Variants in EPHA3 observed in about 807,000 individuals in gnomAD.
The protein encoded by EPHA3 is EPH receptor A3.
In EPHA3, 42 loss-of-function variants were observed where a neutral mutation model predicts 107.1. That is an observed-to-expected ratio of 0.39 (90% CI 0.31 to 0.51). The LOEUF (loss-of-function observed/expected upper bound fraction) is 0.51, where lower values mean the gene tolerates loss of function less well. EPHA3 is among the 20% of genes least tolerant of loss of function. The pLI, the probability that EPHA3 is intolerant of heterozygous loss-of-function variation, is 0.78. For synonymous variants in EPHA3, 461 were observed against 424.8 expected, an observed-to-expected ratio of 1.09 and a Z score of -1.05; for missense variants, 1,183 against 1,211.2, an observed-to-expected ratio of 0.98 and a Z score of 0.35.
At chr3:89,127,779 T>C (rs1704123239) in intron 2 of EPHA3, among the ~76,000 whole-genome samples, 1 of 152,036 alleles carries the variant, frequency 6.6e-6, no homozygotes, top group Non-Finnish European at 1.5e-5. Flanking sequence ...AGCTCAAAAA[T>C]GGGAATATTA....
chr3:89,478,935 T>A (rs1293177245), intron 16 of EPHA3, among the ~76,000 whole-genome samples: 1 of 152,184 alleles, frequency 6.6e-6, no homozygotes, highest in East Asian at 1.9e-4. Flanking sequence ...AGGGGTGAAT[T>A]CTTCCTCGTC....
chr3:89,146,557 G>C (rs1222688614), intron 2 of EPHA3, among the ~76,000 whole-genome samples: 1 of 151,774 alleles, frequency 6.6e-6, no homozygotes, highest in Non-Finnish European at 1.5e-5. Context: ...TTGTCAGATA[G>C]GTAGATTGCA....
chr3:89,201,172 G>T (rs1705959516), intron 2 of EPHA3, among the ~76,000 whole-genome samples: 2 of 152,154 alleles, frequency 1.3e-5, no homozygotes, highest in South Asian at 4.1e-4. Flanking sequence ...CATGGCTGGA[G>T]CAGGAGGAAG....
chr3:89,476,392 A>C (rs1576398472), intron 16 of EPHA3, among the ~76,000 whole-genome samples: 1 of 148,206 alleles, frequency 6.7e-6, no homozygotes, highest in South Asian at 2.1e-4. Flanking sequence ...TTTTCCAGCC[A>C]CTTGGGGATG....
rs200724434 is a variant in EPHA3 at position 89,407,309 on chromosome 3, C to A, written c.1635C>A (p.Ile545=). The A allele has an allele frequency of 6.2e-7, 1 of 1,613,582 alleles. No individual in the cohort carries two copies. Among genetic ancestry groups the A allele is most frequent in the East Asian group, 2.2e-5 (1 of 44,844 alleles). The change falls in exon 8 of 17, where the codon ATC becomes ATA. Residue 545 remains isoleucine, a synonymous_variant. Coordinates refer to ENST00000336596, the MANE Select transcript of EPHA3 (RefSeq NM_005233.6). ...ISGESSQVVM[I]AISAAVAIIL... is the part of the protein sequence containing the mutation. ...GTGAAAGTAGCCAAGTGGTCATGAT[C>A]GCCATTTCAGCGGCAGTAGCAATTA... is the stretch of plus-strand genomic sequence containing the variant.
chr3:89,428,182 A>T (rs1267063955), intron 11 of EPHA3, among the ~76,000 whole-genome samples: 2 of 151,930 alleles, frequency 1.3e-5, no homozygotes, highest in African/African-American at 4.8e-5. Flanking sequence ...CATATGTTAC[A>T]TTTTTCCCTC....
chr3:89,477,425 G>A (rs1313541996), intron 16 of EPHA3, among the ~76,000 whole-genome samples: 1 of 152,060 alleles, frequency 6.6e-6, no homozygotes, highest in African/African-American at 2.4e-5. Flanking sequence ...GTAGAGTCTC[G>A]GTTAATTTAA....
chr3:89,136,028 T>G (rs1168199360), intron 2 of EPHA3, among the ~76,000 whole-genome samples: 1 of 152,156 alleles, frequency 6.6e-6, no homozygotes, highest in Non-Finnish European at 1.5e-5. Context: ...TCTTACCAAC[T>G]GGATTTCTAG....
chr3:89,287,650 G>A (rs1298491080), intron 3 of EPHA3, among the ~76,000 whole-genome samples: 4 of 151,994 alleles, frequency 2.6e-5, no homozygotes, highest in Admixed American at 6.6e-5. Flanking sequence ...AAATAAGGAA[G>A]AGTGAGCCAA....
chr3:89,197,793 T>C (rs1576222581), intron 2 of EPHA3, among the ~76,000 whole-genome samples: 1 of 152,092 alleles, frequency 6.6e-6, no homozygotes, highest in South Asian at 2.1e-4. Context: ...CTGGCCAACA[T>C]GGTGAAACCC....
At chr3:89,316,863 C>G (rs1222132604) in intron 3 of EPHA3, among the ~76,000 whole-genome samples, 1 of 151,580 alleles carries the variant, frequency 6.6e-6, no homozygotes, top group African/African-American at 2.4e-5. Flanking sequence ...GTATCAGACA[C>G]TTTATGAATG....
chr3:89,216,273 G>A (rs1431055938), intron 3 of EPHA3, among the ~76,000 whole-genome samples: 1 of 151,812 alleles, frequency 6.6e-6, no homozygotes, highest in Non-Finnish European at 1.5e-5. Flanking sequence ...ACTTGAAAGG[G>A]GTTGTTTCCA....
intron 5 of EPHA3, among the ~76,000 whole-genome samples, chr3:89,344,993 A>C (rs7631682): frequency 0.29 from 44,221 of 150,958 alleles, 7,806 homozygotes; most frequent in African/African-American, 0.37. Context: ...CAGATTACAA[A>C]ACAAAAATCT....
At chr3:89,284,703 T>C (rs1019257150) in intron 3 of EPHA3, among the ~76,000 whole-genome samples, 1 of 152,190 alleles carries the variant, frequency 6.6e-6, no homozygotes, top group African/African-American at 2.4e-5. Flanking sequence ...TTCAACTTAT[T>C]ACCATAGCCT....
intron 5 of EPHA3, among the ~76,000 whole-genome samples, chr3:89,380,771 C>CTT (rs11294288): frequency 1.5e-5 from 2 of 135,540 alleles, no homozygotes; most frequent in South Asian, 2.5e-4. Flanking sequence ...TAGGTAGTAG[C>CTT]TTTTTTTTTT....
chr3:89,390,849 C>A (rs908348015), intron 5 of EPHA3, among the ~76,000 whole-genome samples: 2 of 144,340 alleles, frequency 1.4e-5, no homozygotes, highest in African/African-American at 5.3e-5. Context: ...CAATGACATG[C>A]AATCTCTGCT....
intron 2 of EPHA3, among the ~76,000 whole-genome samples, chr3:89,170,443 C>T (rs1237082958): frequency 6.6e-6 from 1 of 152,134 alleles, no homozygotes; most frequent in Non-Finnish European, 1.5e-5. Context: ...CTTAGCCTGG[C>T]TCTCTGTCCT....
chr3:89,392,882 C>G (rs748785145), intron 5 of EPHA3, among the ~76,000 whole-genome samples: 6 of 152,038 alleles, frequency 3.9e-5, no homozygotes, highest in Non-Finnish European at 7.4e-5. Context: ...AATTATACCT[C>G]AAAACATGAA....
intron 15 of EPHA3, among the ~76,000 whole-genome samples, chr3:89,454,817 C>T (rs1488834078): frequency 1.3e-5 from 2 of 151,952 alleles, no homozygotes; most frequent in African/African-American, 2.4e-5. Flanking sequence ...TATAGCAAGA[C>T]CCCCATCCCT....
Sources: allele counts gnomAD v4.1 joint callset (sites outside exome capture counted in the v4.1 genomes callset), GRCh38; gene constraint gnomAD v4.1.1; transcripts MANE v1.5; gene names NCBI Gene and HGNC (gene_info 2026-07-23, HGNC 2026-07-21).